DACH2: variants seen among roughly 807,000 people sequenced by gnomAD.
The protein encoded by DACH2 is dachshund family transcription factor 2, also known as dachshund homolog 2.
A neutral mutation model predicts 35.8 loss-of-function variants in DACH2; 17 were observed. That is an observed-to-expected ratio of 0.48 (90% CI 0.33 to 0.71). The LOEUF is 0.71. DACH2 is among the 30% of genes least tolerant of loss of function. DACH2 has a pLI of 0.02. For missense variants in DACH2, 469 were observed against 472.7 expected, an observed-to-expected ratio of 0.99 and a Z score of 0.07; for synonymous variants, 195 against 177.3, an observed-to-expected ratio of 1.10 and a Z score of -0.79.
chrX:86,707,440 T>A lies in DACH2; in HGVS notation c.932-7108T>A, dbSNP rs886502215. ...AATATACCAATTCTCTGCAATCTCT[T>A]CCAGAAGATAGAAGCAGAGGGAATA... is the stretch of plus-strand genomic sequence containing the variant. On this transcript the variant is annotated intron_variant, in intron 5 of 11. Transcript: ENST00000373125. 3.6e-5 allele frequency among the ~76,000 whole-genome samples: 4 copies of A among 111,541 alleles called. No homozygotes were observed. The East Asian group carries it at 1.1e-3, about 32-fold the overall frequency.
intron 11 of DACH2, among the ~76,000 whole-genome samples, chrX:86,822,486 T>C (rs2042522577): frequency 8.9e-6 from 1 of 112,300 alleles, no homozygotes; most frequent in East Asian, 2.8e-4. Context: ...TTTGTAAGTA[T>C]GAAAATAACC....
At chrX:86,705,028 T>TTATATATATATATATATCTTACA (rs1569470551) in intron 5 of DACH2, among the ~76,000 whole-genome samples, 2 of 34,921 alleles carry the variant, frequency 5.7e-5, no homozygotes, top group Admixed American at 2.0e-4. Context: ...ACAGAAATTG[T>TTATATATATATATATATCTTACA]TATATATATA....
intron 2 of DACH2, among the ~76,000 whole-genome samples, chrX:86,425,259 GTTC>G (rs1378779803): frequency 2.7e-5 from 3 of 110,300 alleles, no homozygotes; most frequent in African/African-American, 6.6e-5. Flanking sequence ...ATCGGTATTA[GTTC>G]TTCTATAAAT....
At chrX:86,153,947 A>G (rs2030455935) in intron 1 of DACH2, among the ~76,000 whole-genome samples, 3 of 111,747 alleles carry the variant, frequency 2.7e-5, no homozygotes, top group East Asian at 5.6e-4. Context: ...ATTTTTATGT[A>G]TCATATTATC....
chrX:86,750,040 A>G (rs2041755904), intron 7 of DACH2, among the ~76,000 whole-genome samples: 1 of 110,888 alleles, frequency 9.0e-6, no homozygotes, highest in Non-Finnish European at 1.9e-5. Context: ...CTATCTGCAA[A>G]TTGAGATAGT....
intron 2 of DACH2, among the ~76,000 whole-genome samples, chrX:86,467,249 C>A (rs1038816080): frequency 1.8e-5 from 2 of 111,143 alleles, no homozygotes; most frequent in Admixed American, 9.6e-5. Context: ...CACCAAATAC[C>A]CTAAATAATC....
At chrX:86,418,539 C>A (rs1169521060) in intron 2 of DACH2, among the ~76,000 whole-genome samples, 1 of 112,006 alleles carries the variant, frequency 8.9e-6, no homozygotes, top group East Asian at 2.8e-4. Context: ...AAGCCATGGT[C>A]CCAGCTCTAT....
At chrX:86,647,121 T>A (rs750948479) in intron 3 of DACH2, among the ~76,000 whole-genome samples, 1 of 110,107 alleles carries the variant, frequency 9.1e-6, no homozygotes, top group South Asian at 3.8e-4. Context: ...AGTATGTTGG[T>A]TTCTCAAAAA....
chrX:86,552,020 C>A (rs2039056346), intron 3 of DACH2, among the ~76,000 whole-genome samples: 1 of 111,485 alleles, frequency 9.0e-6, no homozygotes, highest in South Asian at 3.7e-4. Flanking sequence ...TTATCACTAT[C>A]TAAAGTGTTT....
chrX:86,371,141 T>A (rs2035881415), intron 1 of DACH2, among the ~76,000 whole-genome samples: 2 of 110,795 alleles, frequency 1.8e-5, no homozygotes, highest in Admixed American at 9.7e-5. Flanking sequence ...ACATAGGGTC[T>A]TGCATTCTTT....
At chrX:86,586,188 C>G (rs1451068021) in intron 3 of DACH2, among the ~76,000 whole-genome samples, 1 of 111,105 alleles carries the variant, frequency 9.0e-6, no homozygotes, top group African/African-American at 3.3e-5. Context: ...TTTTCATATG[C>G]TTGTTGGCCA....
intron 2 of DACH2, among the ~76,000 whole-genome samples, chrX:86,507,008 T>A (rs974364532): frequency 1.4e-4 from 16 of 111,771 alleles, no homozygotes; most frequent in African/African-American, 4.9e-4. Flanking sequence ...GCTTTTATTT[T>A]AAGATTAGTT....
At chrX:86,774,459 C>T (rs1227838954) in intron 7 of DACH2, among the ~76,000 whole-genome samples, 1 of 112,094 alleles carries the variant, frequency 8.9e-6, no homozygotes, top group Non-Finnish European at 1.9e-5. Context: ...GCACATTTGG[C>T]TATTAAATAG....
chrX:86,372,698 G>C (rs2035905570), intron 1 of DACH2, among the ~76,000 whole-genome samples: 1 of 110,647 alleles, frequency 9.0e-6, no homozygotes, highest in Non-Finnish European at 1.9e-5. Context: ...AGACTTGGGG[G>C]GTACGTGTGC....
chrX:86,268,833 C>T (rs974105022), intron 1 of DACH2, among the ~76,000 whole-genome samples: 2 of 110,680 alleles, frequency 1.8e-5, no homozygotes, highest in African/African-American at 6.6e-5. Flanking sequence ...CGAGCCTGGA[C>T]AATTTATTTT....
intron 1 of DACH2, among the ~76,000 whole-genome samples, chrX:86,302,860 C>A (rs1192205793): frequency 9.1e-6 from 1 of 109,520 alleles, no homozygotes; most frequent in Non-Finnish European, 1.9e-5. Context: ...CAGTGTTTTG[C>A]AAGTTTGAAA....
chrX:86,586,030 C>T (rs2039566215), intron 3 of DACH2, among the ~76,000 whole-genome samples: 1 of 111,460 alleles, frequency 9.0e-6, no homozygotes, highest in Admixed American at 9.5e-5. Context: ...ATTCCCCCAA[C>T]AATGTATAAG....
At chrX:86,629,964 T>G (rs2148386778) in intron 3 of DACH2, among the ~76,000 whole-genome samples, 1 of 111,660 alleles carries the variant, frequency 9.0e-6, no homozygotes, top group Non-Finnish European at 1.9e-5. Flanking sequence ...ACAGATGAAC[T>G]TTATATAAAT....
At chrX:86,551,173 C>A (rs1440574860) in intron 3 of DACH2, among the ~76,000 whole-genome samples, 1 of 111,459 alleles carries the variant, frequency 9.0e-6, no homozygotes, top group Non-Finnish European at 1.9e-5. Context: ...TTGCTTTTTT[C>A]TCTTGTGAGT....
Sources: gnomAD v4.1 joint callset for allele counts (sites outside exome capture counted in the v4.1 genomes callset) on GRCh38, gnomAD v4.1.1 for gene constraint, MANE v1.5 for transcripts, NCBI Gene and HGNC (gene_info 2026-07-23, HGNC 2026-07-21) for gene names.